EYS: variants seen among roughly 807,000 people sequenced by gnomAD.
EYS encodes the protein protein eyes shut homolog.
A neutral mutation model predicts 282.1 loss-of-function variants in EYS; 250 were observed. That is an observed-to-expected ratio of 0.89 (90% CI 0.80 to 0.98). The LOEUF is 0.98. Ranked by LOEUF, EYS falls within the 50% of genes least tolerant of loss-of-function variation. The pLI is 0.00. For missense variants in EYS, 4,016 were observed against 3,709.0 expected (o/e 1.08, Z -2.15); for synonymous variants, 1,355 against 1,282.9 (o/e 1.06, Z -1.20).
At chr6:64,024,621 C>G (rs932232559) in intron 33 of EYS, among the ~76,000 whole-genome samples, 6 of 152,084 alleles carry the variant, frequency 3.9e-5, no homozygotes, top group African/African-American at 1.4e-4. Flanking sequence ...TGGGTCCACA[C>G]TGCCTTTATG....
At chr6:64,706,223 G>C (rs1451420682) in intron 22 of EYS, among the ~76,000 whole-genome samples, 2 of 152,100 alleles carry the variant, frequency 1.3e-5, no homozygotes, top group African/African-American at 2.4e-5. Flanking sequence ...AGTGGGGAAA[G>C]GGCACACTAT....
intron 30 of EYS, among the ~76,000 whole-genome samples, chr6:64,271,021 C>T (rs2150357277): frequency 6.6e-6 from 1 of 152,294 alleles, no homozygotes; most frequent in Middle Eastern, 3.4e-3. Context: ...AGTTGAATTA[C>T]TCTATAATAT....
chr6:65,124,150 GTTAC>G (rs1407635076), intron 12 of EYS, among the ~76,000 whole-genome samples: 1 of 152,014 alleles, frequency 6.6e-6, no homozygotes, highest in African/African-American at 2.4e-5. Context: ...TCCAGCCTCA[GTTAC>G]AAAGTGAGAC....
intron 2 of EYS, among the ~76,000 whole-genome samples, chr6:65,637,810 G>A (rs1767142405): frequency 6.6e-6 from 1 of 152,198 alleles, no homozygotes; most frequent in South Asian, 2.1e-4. Context: ...ACAGGAGGGA[G>A]GCTGGCGGGC....
In EYS at chr6:64,912,742, A is replaced by T. The variant is rs912541868; in HGVS notation, c.2383T>A (p.Cys795Ser). 3 of 1,338,810 alleles carry T rather than the reference A, an allele frequency of 2.2e-6. No homozygotes were observed. Among genetic ancestry groups the T allele is most frequent in the Non-Finnish European group, 2.9e-6 (3 of 1,035,902 alleles). The allele number at this position is 1,338,810 out of a possible 1,614,324, so 82.9% of individuals were successfully genotyped here. A position where few individuals can be genotyped will look rare whatever the true frequency, so the allele number is the denominator to read the frequency against. The change falls in exon 16 of 43, where the codon TGT becomes AGT. Residue 795 changes from cysteine (C) to serine (S), a missense_variant and splice_region_variant. By Grantham distance (112) the Cys-to-Ser change is moderately radical. Coordinates refer to ENST00000503581, the MANE Select transcript of EYS (RefSeq NM_001142800.2). ...CCAGTCCATCCAGATGTACACTCAC[A>T]TCTGAAATAAAATATTAAAATTTTT... The part of the protein sequence containing the change: ...TCTDLYKSYR[C>S]ECTSGWTGQN...
At chr6:64,796,259 A>G (rs566880185) in intron 22 of EYS, among the ~76,000 whole-genome samples, 1 of 152,048 alleles carries the variant, frequency 6.6e-6, no homozygotes, top group South Asian at 2.1e-4. Context: ...CCTCAAATTT[A>G]TATGTAGCTA....
At chr6:64,645,332 C>T (rs10944657) in intron 22 of EYS, among the ~76,000 whole-genome samples, 91,000 of 152,048 alleles carry the variant, frequency 0.6, 27,411 homozygotes, top group South Asian at 0.66. Flanking sequence ...CAACTTAAAG[C>T]AGAACGATTT....
intron 22 of EYS, among the ~76,000 whole-genome samples, chr6:64,705,192 G>A (rs932906328): frequency 3.9e-5 from 6 of 152,122 alleles, no homozygotes; most frequent in Admixed American, 3.3e-4. Context: ...CAGCGACCAA[G>A]CTGAGAATCA....
chr6:64,254,947 T>G (rs1202345212), intron 30 of EYS, among the ~76,000 whole-genome samples: 1 of 152,018 alleles, frequency 6.6e-6, no homozygotes, highest in East Asian at 1.9e-4. Context: ...TAAAGGAAAT[T>G]TGATGTTAAA....
chr6:63,963,352 A>C (rs1766166577), intron 35 of EYS, among the ~76,000 whole-genome samples: 1 of 152,208 alleles, frequency 6.6e-6, no homozygotes, highest in South Asian at 2.1e-4. Flanking sequence ...AACTTTATAA[A>C]AGAAAATTAA....
chr6:64,706,061 C>A (rs1424063193), intron 22 of EYS, among the ~76,000 whole-genome samples: 1 of 150,200 alleles, frequency 6.7e-6, no homozygotes, highest in Non-Finnish European at 1.5e-5. Flanking sequence ...CATTACCTTA[C>A]CTCAAACTAT....
chr6:65,665,006 AC>A (rs1233784337), intron 1 of EYS, among the ~76,000 whole-genome samples: 2 of 152,120 alleles, frequency 1.3e-5, no homozygotes, highest in African/African-American at 4.8e-5. Flanking sequence ...ATCCAGGCTA[AC>A]CTTTTCTGCA....
chr6:64,196,070 A>C (rs1416885045), intron 31 of EYS, among the ~76,000 whole-genome samples: 1 of 152,228 alleles, frequency 6.6e-6, no homozygotes, highest in African/African-American at 2.4e-5. Flanking sequence ...AACCCCATCA[A>C]AAAGTGGGCA....
chr6:64,643,607 A>G (rs547146356), intron 22 of EYS, among the ~76,000 whole-genome samples: 203 of 152,226 alleles, frequency 1.3e-3, no homozygotes, highest in African/African-American at 4.5e-3. Flanking sequence ...CCCCACCCAA[A>G]TCTCATCTTG....
rs1177052380 is a variant in EYS at position 65,495,237 on chromosome 6, C to T, written c.174G>A (p.Trp58Ter). 4 of 1,614,030 alleles carry T rather than the reference C, an allele frequency of 2.5e-6. No individual in the cohort carries two copies. In the Admixed American group the frequency reaches 6.7e-5, roughly 27 times the overall value. Residue 58 changes from tryptophan (W) to a stop codon, truncating the protein, a stop_gained, in exon 4 of 43, where the codon TGG becomes TGA. Coordinates refer to ENST00000503581, the MANE Select transcript of EYS (RefSeq NM_001142800.2). LOFTEE classifies it high-confidence loss of function. ...CTATTTTAGTGTTTACACCCAAAAA[C>T]CAGCAATCTCTGTAGAAGTCCAAGC... is the stretch of plus-strand genomic sequence containing the variant. The part of the protein sequence containing the change: ...NICLDFYRDC[W>*]FLGVNTKIDT...
chr6:65,493,060 C>G (rs2127268969), intron 4 of EYS, among the ~76,000 whole-genome samples: 1 of 152,152 alleles, frequency 6.6e-6, no homozygotes, highest in South Asian at 2.1e-4. Context: ...GGATTACAGG[C>G]ACCCGCCATT....
intron 19 of EYS, among the ~76,000 whole-genome samples, chr6:64,853,490 A>C (rs1436342433): frequency 6.6e-6 from 1 of 152,114 alleles, no homozygotes; most frequent in Admixed American, 6.6e-5. Context: ...TGCCTCAACC[A>C]ATTGAGATTA....
intron 11 of EYS, chr6:65,332,238 C>A (rs1056763798): frequency 1.0e-5 from 6 of 582,034 alleles, no homozygotes; most frequent in Non-Finnish European, 1.3e-5. Context: ...TTTTTTTCTC[C>A]ATCTACATTA....
intron 12 of EYS, among the ~76,000 whole-genome samples, chr6:65,221,129 G>T (rs1030452668): frequency 2.6e-5 from 4 of 152,194 alleles, no homozygotes; most frequent in African/African-American, 2.4e-5. Context: ...GAGCATAAAA[G>T]TTCATAAACT....
Sources: allele counts gnomAD v4.1 joint callset (sites outside exome capture counted in the v4.1 genomes callset), GRCh38; gene constraint gnomAD v4.1.1; transcripts MANE v1.5; gene names NCBI Gene and HGNC (gene_info 2026-07-23, HGNC 2026-07-21).